GRID1: variants seen among roughly 807,000 people sequenced by gnomAD.
GRID1 encodes glutamate ionotropic receptor delta type subunit 1.
GRID1 carries 28 observed loss-of-function variants against 98.0 expected under a neutral mutation model. That is an observed-to-expected ratio of 0.29 (90% CI 0.21 to 0.39). GRID1 has a LOEUF of 0.39. GRID1 is among the 10% of genes least tolerant of loss of function. The pLI is 1.00. For missense variants in GRID1, 1,111 were observed against 1,340.5 expected, an observed-to-expected ratio of 0.83 and a Z score of 2.67; for synonymous variants, 553 against 538.5, an observed-to-expected ratio of 1.03 and a Z score of -0.37.
At chr10:85,962,728 T>C (rs1246640782) in intron 4 of GRID1, among the ~76,000 whole-genome samples, 1 of 152,190 alleles carries the variant, frequency 6.6e-6, no homozygotes, top group African/African-American at 2.4e-5. Flanking sequence ...CTGCTCAGGT[T>C]TGGGAGGTAC....
chr10:86,122,751 C>G (rs1400490571), intron 4 of GRID1, among the ~76,000 whole-genome samples: 1 of 152,262 alleles, frequency 6.6e-6, no homozygotes, highest in Non-Finnish European at 1.5e-5. Context: ...CACCTTTTAA[C>G]TGGCCTCTGA....
At chr10:86,294,995 G>A (rs573772982) in intron 2 of GRID1, among the ~76,000 whole-genome samples, 102 of 152,294 alleles carry the variant, frequency 6.7e-4, no homozygotes, top group African/African-American at 2.3e-3. Flanking sequence ...CTGAGATTGG[G>A]CCACTGGACC....
intron 12 of GRID1, among the ~76,000 whole-genome samples, chr10:85,703,907 C>T (rs908479666): frequency 6.6e-6 from 1 of 152,068 alleles, no homozygotes; most frequent in African/African-American, 2.4e-5. Flanking sequence ...CTTTCAGGAA[C>T]TCTTTAGGGC....
intron 8 of GRID1, among the ~76,000 whole-genome samples, chr10:85,733,296 T>A (rs1330750113): frequency 9.9e-5 from 15 of 152,188 alleles, no homozygotes; most frequent in Admixed American, 9.8e-4. Flanking sequence ...TCTGTCTTCA[T>A]AAGCTGTCTA....
intron 5 of GRID1, among the ~76,000 whole-genome samples, chr10:85,895,367 C>T (rs1343634675): frequency 1.3e-5 from 2 of 152,066 alleles, no homozygotes; most frequent in Admixed American, 6.6e-5. Context: ...TAATTCACAT[C>T]ACATCATTTC....
intron 5 of GRID1, among the ~76,000 whole-genome samples, chr10:85,887,293 G>T (rs1040368778): frequency 2.0e-5 from 3 of 152,156 alleles, no homozygotes; most frequent in Non-Finnish European, 4.4e-5. Flanking sequence ...ACATCTCCAG[G>T]ACAGAGGACA....
intron 4 of GRID1, among the ~76,000 whole-genome samples, chr10:85,922,878 C>T (rs1463424790): frequency 6.6e-6 from 1 of 152,120 alleles, no homozygotes; most frequent in African/African-American, 2.4e-5. Flanking sequence ...TTCTCAGCCA[C>T]CCTGTGTCTC....
chr10:86,138,087 C>A (rs904716558), intron 4 of GRID1, among the ~76,000 whole-genome samples: 3 of 152,152 alleles, frequency 2.0e-5, no homozygotes, highest in South Asian at 2.1e-4. Context: ...GCTCACCCCC[C>A]AAAACCAACC....
At chr10:86,110,405 G>A (rs968969610) in intron 4 of GRID1, among the ~76,000 whole-genome samples, 9 of 152,192 alleles carry the variant, frequency 5.9e-5, no homozygotes, top group African/African-American at 2.2e-4. Context: ...GGCCCAGGAA[G>A]AGGGGAAGAT....
intron 8 of GRID1, among the ~76,000 whole-genome samples, chr10:85,746,038 T>C (rs1334738405): frequency 6.6e-6 from 1 of 152,198 alleles, no homozygotes. Flanking sequence ...CAACTACTCC[T>C]CCTTACAAAT....
chr10:85,724,041 T>C (rs1293300313), intron 11 of GRID1, among the ~76,000 whole-genome samples: 1 of 152,152 alleles, frequency 6.6e-6, no homozygotes, highest in Non-Finnish European at 1.5e-5. Context: ...CACAGTTTCA[T>C]TGACAACCTC....
intron 4 of GRID1, among the ~76,000 whole-genome samples, chr10:86,014,794 CCTT>C (rs1842961047): frequency 6.6e-6 from 1 of 152,204 alleles, no homozygotes; most frequent in African/African-American, 2.4e-5. Flanking sequence ...CTACTACTCT[CCTT>C]CTGGTTCATG....
chr10:86,349,985 C>G (rs1255453494), intron 2 of GRID1, among the ~76,000 whole-genome samples: 2 of 152,182 alleles, frequency 1.3e-5, no homozygotes, highest in Non-Finnish European at 2.9e-5. Context: ...AATAGGGGCC[C>G]TACTTGGAGC....
intron 4 of GRID1, among the ~76,000 whole-genome samples, chr10:85,967,547 TATTAAA>T (rs1254458228): frequency 1.3e-5 from 2 of 152,232 alleles, no homozygotes; most frequent in Non-Finnish European, 2.9e-5. Context: ...TTAAGTCAGC[TATTAAA>T]AATATTTTCA....
chr10:85,675,597 G>A (rs1841135964), intron 12 of GRID1, among the ~76,000 whole-genome samples: 1 of 152,222 alleles, frequency 6.6e-6, no homozygotes, highest in Non-Finnish European at 1.5e-5. Context: ...TGTTCATGTG[G>A]TGGAAAATGA....
chr10:85,826,388 G>C (rs1177400788), intron 8 of GRID1, among the ~76,000 whole-genome samples: 2 of 152,092 alleles, frequency 1.3e-5, no homozygotes, highest in Non-Finnish European at 2.9e-5. Context: ...TGTCAGATTA[G>C]ATTTGATTTT....
chr10:85,706,606 A>G (rs1841521750), intron 12 of GRID1, among the ~76,000 whole-genome samples: 1 of 152,148 alleles, frequency 6.6e-6, no homozygotes, highest in Non-Finnish European at 1.5e-5. Context: ...AATTGGAAAA[A>G]ACTACTTTAA....
intron 4 of GRID1, among the ~76,000 whole-genome samples, chr10:85,989,281 G>C (rs959490964): frequency 6.6e-6 from 1 of 152,224 alleles, no homozygotes; most frequent in African/African-American, 2.4e-5. Context: ...CTTGCCCTGA[G>C]GGGAAGGCTT....
intron 2 of GRID1, among the ~76,000 whole-genome samples, chr10:86,327,419 C>T (rs1422722570): frequency 1.1e-4 from 16 of 152,136 alleles, no homozygotes; most frequent in Non-Finnish European, 2.2e-4. Context: ...AGAATTTCCC[C>T]AAGCAGCCAA....
Sources: allele counts gnomAD v4.1 joint callset (sites outside exome capture counted in the v4.1 genomes callset), GRCh38; gene constraint gnomAD v4.1.1; transcripts MANE v1.5; gene names NCBI Gene and HGNC (gene_info 2026-07-23, HGNC 2026-07-21).